The following PYGL variants were observed in gnomAD, a reference collection of about 807,000 sequenced individuals.
The protein encoded by PYGL is glycogen phosphorylase, liver form.
Under a neutral mutation model 100.1 loss-of-function variants are expected in PYGL, and 90 were observed. The ratio of observed to expected loss-of-function variants is 0.90; its 90% CI spans 0.76 to 1.07. The LOEUF is 1.07. Among genes scored for constraint, PYGL ranks in the 50% least tolerant of loss-of-function variants. The probability of loss-of-function intolerance (pLI) is 0.00; values close to 1 mark genes in which losing one functional copy is unlikely to be tolerated. For synonymous variants in PYGL, 373 were observed against 393.0 expected (o/e 0.95, Z 0.60); for missense variants, 1,016 against 1,057.6 (o/e 0.96, Z 0.55).
At chr14:50,925,720 TC>T (rs763999751) in intron 4 of PYGL, among the ~76,000 whole-genome samples, 11 of 152,204 alleles carry the variant, frequency 7.2e-5, no homozygotes, top group Non-Finnish European at 1.2e-4. Flanking sequence ...CCAGTAAGCT[TC>T]CCACTAATAT....
At position 50,931,774 on chromosome 14, in the gene PYGL, A is replaced by C; in HGVS notation, c.427T>G (p.Cys143Gly). The stretch of plus-strand genomic sequence containing the variant: ...AGGGTTGCCATGGAATCCAAGAAGC[A>C]GGCTACATTCAACAGAGCACAGGCA... ...GNGGLGRLAA[C>G]FLDSMATLGL... Residue 143 changes from cysteine to glycine, a missense_variant and splice_region_variant, in exon 4 of 20, where the codon TGC (cysteine) becomes GGC (glycine). Coordinates refer to ENST00000216392, the MANE Select transcript of PYGL (RefSeq NM_002863.5). 2.5e-6 allele frequency: 4 copies of C among 1,613,594 alleles called. No individual in the cohort carries two copies. Among genetic ancestry groups the C allele is most frequent in the Non-Finnish European group, 3.4e-6 (4 of 1,179,586 alleles).
chr14:50,913,253 T>G (rs1461382642), intron 12 of PYGL, 123 bp from the exon 13 acceptor site: 1 of 776,982 alleles, frequency 1.3e-6, no homozygotes, highest in Non-Finnish European at 2.2e-6. Context: ...ACACAGAACA[T>G]GGGATAGTTT....
At chr14:50,929,304 C>T (rs1288416885) in intron 4 of PYGL, among the ~76,000 whole-genome samples, 6 of 152,134 alleles carry the variant, frequency 3.9e-5, no homozygotes, top group Admixed American at 6.5e-5. Flanking sequence ...CCACCCACCT[C>T]GGCCTCCCAA....
chr14:50,918,807 A>C (rs8021856), intron 7 of PYGL, among the ~76,000 whole-genome samples: 1 of 152,248 alleles, frequency 6.6e-6, no homozygotes, highest in Non-Finnish European at 1.5e-5. Flanking sequence ...TAAAAATTTT[A>C]AAATGATGAG....
At chr14:50,937,271 A>G (rs2050661683) in intron 2 of PYGL, among the ~76,000 whole-genome samples, 1 of 152,262 alleles carries the variant, frequency 6.6e-6, no homozygotes, top group African/African-American at 2.4e-5. Context: ...AGTGTATTTT[A>G]CATCTCATTA....
At chr14:50,907,959 T>G (rs2050349979) in intron 19 of PYGL, among the ~76,000 whole-genome samples, 1 of 148,094 alleles carries the variant, frequency 6.8e-6, no homozygotes. Context: ...GAGGTGAAGG[T>G]TGCAGTGAGT....
At chr14:50,920,922 C>T (rs756459325) in intron 6 of PYGL, 34 bp downstream of exon 6, 21 of 1,554,534 alleles carry the variant, frequency 1.4e-5, no homozygotes, top group South Asian at 4.5e-5. Context: ...ATTAAGCACA[C>T]GCATAAAGAA....
chr14:50,911,436 AG>A (rs1364857896), intron 16 of PYGL, among the ~76,000 whole-genome samples: 1 of 152,190 alleles, frequency 6.6e-6, no homozygotes, highest in Non-Finnish European at 1.5e-5. Flanking sequence ...TGTTTTATAG[AG>A]CGGGTTCTGA....
In PYGL at chr14:50,944,410, GGCGGCGGGCTGC is replaced by G. The variant is rs561479231; in HGVS notation, c.-19_-8del. On this transcript the variant is annotated 5_prime_UTR_variant, in exon 1 of 20. Coordinates refer to ENST00000216392, the MANE Select transcript of PYGL (RefSeq NM_002863.5). Reference sequence around the variant, plus strand: ...CCGTCAGGGGCTTCGCCATGGCTGGGGCGGCGGGCTGCGCGGCGGGCTGCGCAGAGAGCTGGA... The same window carrying G: ...CCGTCAGGGGCTTCGCCATGGCTGGGGCGGCGGGCTGCGCAGAGAGCTGGA... The G allele has an allele frequency of 1.3e-3, 2,009 of 1,606,166 alleles. 16 individuals carry two copies. The African/African-American group carries it at 0.015, about 12-fold the overall frequency.
chr14:50,924,710 T>C (rs1011992829), intron 4 of PYGL, among the ~76,000 whole-genome samples: 10 of 152,228 alleles, frequency 6.6e-5, no homozygotes, highest in African/African-American at 1.9e-4. Flanking sequence ...GAACTATAGA[T>C]TATAGTTTAT....
rs779051230 is a variant in PYGL, at chr14:50,915,349, C to A, written c.1390G>T (p.Val464Leu). ...ATGGAGGCTCACACTTTAGTCTTCA[C>A]GATGTCTGAGTGGATTTTAGCCACG... ...NGVAKIHSDI[V>L]KTKVFKDFSE... Residue 464 changes from valine (V) to leucine (L), a missense_variant, in exon 11 of 20, where the codon GTG becomes TTG. Val to Leu is a conservative substitution (Grantham distance 32, BLOSUM62 1). Coordinates refer to ENST00000216392, the MANE Select transcript of PYGL (RefSeq NM_002863.5). 6.8e-6 allele frequency: 11 copies of A among 1,614,012 alleles called. No individual in the cohort carries two copies. Among genetic ancestry groups the A allele is most frequent in the Non-Finnish European group, 9.3e-6 (11 of 1,180,014 alleles).
chr14:50,913,417 G>A (rs1424953346), intron 12 of PYGL: 2 of 161,350 alleles, frequency 1.2e-5, no homozygotes, highest in Non-Finnish European at 2.6e-5. Context: ...TGTCGCCCAG[G>A]CTGGAGTACA....
intron 3 of PYGL, among the ~76,000 whole-genome samples, chr14:50,933,944 A>T (rs2050628570): frequency 6.6e-6 from 1 of 152,206 alleles, no homozygotes; most frequent in Non-Finnish European, 1.5e-5. Flanking sequence ...TTGGAGATCT[A>T]GCTAGGAAAG....
At chr14:50,916,440 G>A (rs1213368658) in intron 9 of PYGL, among the ~76,000 whole-genome samples, 4 of 152,140 alleles carry the variant, frequency 2.6e-5, no homozygotes, top group Non-Finnish European at 5.9e-5. Flanking sequence ...GTCCCATTAG[G>A]AATGTGCTCA....
intron 7 of PYGL, among the ~76,000 whole-genome samples, chr14:50,918,814 T>C (rs2050475726): frequency 6.6e-6 from 1 of 152,208 alleles, no homozygotes; most frequent in South Asian, 2.1e-4. Context: ...TTTAAAATGA[T>C]GAGCACCCCA....
At chr14:50,928,059 A>G (rs1472763661) in intron 4 of PYGL, among the ~76,000 whole-genome samples, 4 of 152,208 alleles carry the variant, frequency 2.6e-5, no homozygotes, top group Admixed American at 1.3e-4. Flanking sequence ...ACGGGGCTGA[A>G]GAAAGCAAGC....
At chr14:50,918,643 A>C (rs1480499045) in intron 7 of PYGL, among the ~76,000 whole-genome samples, 1 of 152,204 alleles carries the variant, frequency 6.6e-6, no homozygotes, top group East Asian at 1.9e-4. Context: ...CAAAGGCATG[A>C]GAATGATGTA....
intron 4 of PYGL, among the ~76,000 whole-genome samples, chr14:50,925,574 A>G (rs2050540086): frequency 6.6e-6 from 1 of 152,264 alleles, no homozygotes; most frequent in Non-Finnish European, 1.5e-5. Context: ...TGCCTGTCTC[A>G]GGAACAGTGT....
rs2050398744 is a variant in PYGL, at chr14:50,911,661, C to T, written c.1969+69G>A. 3.1e-6 allele frequency: 5 copies of T among 1,590,372 alleles called. No homozygotes were observed. The South Asian group carries it at 5.6e-5, about 18-fold the overall frequency. The stretch of plus-strand genomic sequence containing the variant: ...TACTAGCTCCTGGAGGTTGGCTGCC[C>T]CATCTTTCATACCATGTAATCTCTA... On this transcript the variant is annotated intron_variant, in intron 16 of 19. Coordinates refer to ENST00000216392, the MANE Select transcript of PYGL (RefSeq NM_002863.5).
Sources: allele counts gnomAD v4.1 joint callset (sites outside exome capture counted in the v4.1 genomes callset), GRCh38; gene constraint gnomAD v4.1.1; transcripts MANE v1.5; gene names NCBI Gene and HGNC (gene_info 2026-07-23, HGNC 2026-07-21).